PCDHA2: variants seen among roughly 807,000 people sequenced by gnomAD.
The protein encoded by PCDHA2 is protocadherin alpha 2.
PCDHA2 carries 58 observed loss-of-function variants against 66.0 expected under a neutral mutation model. The ratio of observed to expected loss-of-function variants is 0.88; its 90% CI spans 0.71 to 1.09. PCDHA2 has a LOEUF of 1.09. PCDHA2 is among the 50% of genes least tolerant of loss of function. PCDHA2 has a pLI of 0.00. For synonymous variants in PCDHA2, 634 were observed against 554.0 expected (o/e 1.14, Z -2.03); for missense variants, 1,267 against 1,242.3 (o/e 1.02, Z -0.30).
intron 1 of PCDHA2, chr5:140,968,346 C>T: frequency 6.2e-7 from 1 of 1,614,090 alleles, no homozygotes. Flanking sequence ...ATTAACAGTG[C>T]CAGTGGCAGC....
intron 1 of PCDHA2, among the ~76,000 whole-genome samples, chr5:140,959,354 A>C (rs1021119947): frequency 2.0e-5 from 3 of 152,244 alleles, no homozygotes; most frequent in African/African-American, 7.2e-5. Context: ...CAGCGGGACA[A>C]CTGAGTGAGA....
chr5:140,929,226 C>T (rs782065898), intron 1 of PCDHA2: 14 of 1,613,766 alleles, frequency 8.7e-6, no homozygotes, highest in African/African-American at 5.3e-5. Flanking sequence ...ACAATGCTGC[C>T]GACCTGCGAA....
At chr5:140,942,338 G>A (rs1554214916) in intron 1 of PCDHA2, among the ~76,000 whole-genome samples, 1 of 152,042 alleles carries the variant, frequency 6.6e-6, no homozygotes, top group African/African-American at 2.4e-5. Flanking sequence ...TGAACCAGAG[G>A]GAGGCGGAGG....
At chr5:141,004,657 G>A (rs565994909) in intron 3 of PCDHA2, among the ~76,000 whole-genome samples, 1 of 152,262 alleles carries the variant, frequency 6.6e-6, no homozygotes, top group Admixed American at 6.5e-5. Context: ...TGGGCTCTGA[G>A]GGCAACTAAA....
intron 1 of PCDHA2, chr5:140,824,442 T>C (rs1218681700): frequency 6.3e-6 from 3 of 472,476 alleles, no homozygotes; most frequent in African/African-American, 6.0e-5. Context: ...TTTCAGTTTA[T>C]GACTACATGA....
Position 141,010,456 on chromosome 5 carries a change from TATC to T in PCDHA2, c.*521_*523del. The T allele has an allele frequency of 1.1e-6, 1 of 877,088 alleles. No individual in the cohort carries two copies. The highest frequency in any genetic ancestry group is 3.0e-5 in the Admixed American group (1 of 33,582). The allele number at this position is 877,088 out of a possible 1,614,324, so 54.3% of individuals were successfully genotyped here. On this transcript the variant is annotated 3_prime_UTR_variant, in exon 4 of 4. Transcript: ENST00000526136. ...ACAAAGACAAATAAACAGCGGAAGT[TATC>T]AGTATGGAGGGGAAGTGTAAACTTA... is the stretch of plus-strand genomic sequence containing the variant.
At chr5:140,955,929 C>T (rs567378851) in intron 1 of PCDHA2, among the ~76,000 whole-genome samples, 1 of 152,252 alleles carries the variant, frequency 6.6e-6, no homozygotes, top group East Asian at 1.9e-4. Flanking sequence ...GGAGTTCATT[C>T]ATAATATGGC....
rs1324485924 is a variant in PCDHA2, at chr5:140,805,189, A to G, written c.2388+7837A>G. The G allele has an allele frequency of 4.1e-6, 6 of 1,470,702 alleles. No individual in the cohort carries two copies. In the African/African-American group the frequency reaches 5.7e-5, roughly 14 times the overall value. The allele number at this position is 1,470,702 out of a possible 1,614,324, so 91.1% of individuals were successfully genotyped here. On this transcript the variant is annotated intron_variant, in intron 1 of 3. Transcript: ENST00000526136. ...TGTACTGATGCTATGCCAAATAAAT[A>G]TTGAATAGCTACCAAATAAACATTG...
intron 1 of PCDHA2, among the ~76,000 whole-genome samples, chr5:140,923,018 T>G (rs1353684633): frequency 6.6e-6 from 1 of 152,224 alleles, no homozygotes; most frequent in African/African-American, 2.4e-5. Flanking sequence ...GACTGCAGTT[T>G]CGGACTCTAT....
intron 1 of PCDHA2, chr5:140,853,957 G>T: frequency 2.7e-6 from 2 of 736,982 alleles, no homozygotes; most frequent in Non-Finnish European, 3.4e-6. Context: ...TCCCTTCCTT[G>T]AGCCCAGCAG....
intron 1 of PCDHA2, among the ~76,000 whole-genome samples, chr5:140,941,191 T>TTTTTTTCTTTCTTTCTTTC (rs1554213809): frequency 2.1e-5 from 2 of 93,258 alleles, no homozygotes; most frequent in Admixed American, 1.2e-4. Context: ...GCTTCTTTTT[T>TTTTTTTCTTTCTTTCTTTC]TTTCTTTCTT....
chr5:141,000,185 G>A (rs1434179793), intron 3 of PCDHA2, among the ~76,000 whole-genome samples: 1 of 151,896 alleles, frequency 6.6e-6, no homozygotes, highest in African/African-American at 2.4e-5. Flanking sequence ...AGGAGTCAAT[G>A]TGAGAATAGT....
At chr5:140,875,844 G>A in intron 1 of PCDHA2, 1 of 1,614,178 alleles carries the variant, frequency 6.2e-7, no homozygotes, top group Non-Finnish European at 8.5e-7. Flanking sequence ...TGGAGGTGAA[G>A]GACATTAACG....
intron 3 of PCDHA2, among the ~76,000 whole-genome samples, chr5:140,986,398 G>A (rs973049448): frequency 7.2e-5 from 11 of 152,174 alleles, no homozygotes; most frequent in African/African-American, 2.4e-4. Flanking sequence ...AGGGCCAGTC[G>A]CTCATGTTAC....
intron 1 of PCDHA2, chr5:140,823,675 C>T: frequency 1.9e-6 from 3 of 1,614,056 alleles, no homozygotes; most frequent in Non-Finnish European, 1.7e-6. Context: ...CAGCACAACA[C>T]GCTCTCTGGA....
chr5:140,917,450 G>A (rs1220183879), intron 1 of PCDHA2, among the ~76,000 whole-genome samples: 2 of 152,010 alleles, frequency 1.3e-5, no homozygotes, highest in Non-Finnish European at 2.9e-5. Context: ...CTGCAAGAGC[G>A]TTTGGCATCT....
chr5:140,836,527 T>A (rs781797304), intron 1 of PCDHA2: 1 of 1,613,732 alleles, frequency 6.2e-7, no homozygotes, highest in African/African-American at 1.3e-5. Flanking sequence ...GTGCTTACCC[T>A]GCTGCTGTAC....
chr5:140,833,197 A>C (rs2150206891), intron 1 of PCDHA2, among the ~76,000 whole-genome samples: 8 of 152,216 alleles, frequency 5.3e-5, no homozygotes, highest in Non-Finnish European at 8.8e-5. Context: ...TAAATGAAGG[A>C]GAATGAAATA....
chr5:140,877,415 T>A (rs1554169714), intron 1 of PCDHA2: 3 of 1,613,882 alleles, frequency 1.9e-6, no homozygotes, highest in Non-Finnish European at 2.5e-6. Flanking sequence ...CACCGCCTGC[T>A]GGTGCTGGTG....
Sources: allele counts gnomAD v4.1 joint callset (sites outside exome capture counted in the v4.1 genomes callset), GRCh38; gene constraint gnomAD v4.1.1; transcripts MANE v1.5; gene names NCBI Gene and HGNC (gene_info 2026-07-23, HGNC 2026-07-21).